Variants in BTG4 observed in about 807,000 individuals in gnomAD.
BTG4 encodes BTG anti-proliferation factor 4, also known as protein BTG4.
A neutral mutation model predicts 19.3 loss-of-function variants in BTG4; 10 were observed. The ratio of observed to expected loss-of-function variants is 0.52; its 90% confidence interval spans 0.32 to 0.88. The LOEUF is 0.88. Ranked by LOEUF, BTG4 falls within the 40% of genes least tolerant of loss-of-function variation. BTG4 has a pLI of 0.04. For missense variants in BTG4, 238 were observed against 281.9 expected, an observed-to-expected ratio of 0.84 and a Z score of 1.11; for synonymous variants, 91 against 95.7, an observed-to-expected ratio of 0.95 and a Z score of 0.29.
At chr11:111,435,909 G>A in the BTG4 span, among the ~76,000 whole-genome samples, 3 of 152,250 alleles carry the variant, frequency 2.0e-5, 1 homozygote, top group South Asian at 6.2e-4. Flanking sequence ...CCCACAAGCT[G>A]CACGATTTCC....
chr11:111,487,294 A>G (rs939664363), intron 5 of BTG4, among the ~76,000 whole-genome samples: 1 of 152,218 alleles, frequency 6.6e-6, no homozygotes, highest in African/African-American at 2.4e-5. Flanking sequence ...ACGTGAATGT[A>G]TCTTTATAAT....
chr11:111,401,465 G>C, the BTG4 span, among the ~76,000 whole-genome samples: 2 of 149,250 alleles, frequency 1.3e-5, no homozygotes, highest in African/African-American at 2.5e-5. Flanking sequence ...CTGGGAGACA[G>C]AGCGAGACTC....
intron 5 of BTG4, among the ~76,000 whole-genome samples, chr11:111,486,693 C>A (rs1457664915): frequency 1.3e-5 from 2 of 152,106 alleles, no homozygotes; most frequent in African/African-American, 2.4e-5. Flanking sequence ...TCATCATGAT[C>A]ATGATCATGT....
At chr11:111,504,343 T>C (rs1354464981) in intron 1 of BTG4, among the ~76,000 whole-genome samples, 3 of 152,122 alleles carry the variant, frequency 2.0e-5, no homozygotes, top group Admixed American at 2.0e-4. Flanking sequence ...CATTATCTAA[T>C]AAAATTCTAC....
chr11:111,497,988 G>A lies in BTG4; in HGVS notation c.311+10C>T, dbSNP rs747824374. 3 of 1,613,016 alleles carry A rather than the reference G, an allele frequency of 1.9e-6. No homozygotes were observed. Among genetic ancestry groups the A allele is most frequent in the Non-Finnish European group, 2.5e-6 (3 of 1,179,268 alleles). ...GTATCACACAGCACACAAACTATGAGATTACTCACCTACAGCATACTTCAA... is the reference window on the plus strand; with the variant it reads ...GTATCACACAGCACACAAACTATGAAATTACTCACCTACAGCATACTTCAA... On this transcript the variant is annotated intron_variant, in intron 3 of 4. Transcript: ENST00000692032.
the BTG4 span, chr11:111,454,278 TTGACACAGAGG>T: frequency 2.2e-6 from 1 of 456,384 alleles, no homozygotes; most frequent in Non-Finnish European, 4.4e-6. Flanking sequence ...CTGGAGTGGT[TTGACACAGAGG>T]CCTTCTTTGG....
the BTG4 span, among the ~76,000 whole-genome samples, chr11:111,443,156 C>T: frequency 7.9e-5 from 12 of 152,170 alleles, no homozygotes; most frequent in Non-Finnish European, 8.8e-5. Flanking sequence ...CCAGTCCAAG[C>T]GTTAGAAAAA....
At chr11:111,510,672 T>C (rs1866831291) in intron 1 of BTG4, among the ~76,000 whole-genome samples, 1 of 152,010 alleles carries the variant, frequency 6.6e-6, no homozygotes, top group Admixed American at 6.6e-5. Context: ...GCCACACATA[T>C]TTTTTGTCGT....
Position 111,481,130 on chromosome 11 carries a change from A to T in BTG4, c.663-13449T>A, listed in dbSNP as rs140123760. On this transcript the variant is annotated intron_variant, in intron 5 of 5. Coordinates refer to the BTG4 transcript ENST00000356018. ...GGGATACCACTGCAGACCTGCAGAC[A>T]CCAAAAGGATAATAAGGAAACACTA... 2.9e-3 allele frequency among the ~76,000 whole-genome samples: 446 copies of T among 152,078 alleles called. 3 individuals are homozygous for T. Among genetic ancestry groups the T allele is most frequent in the South Asian group, 9.5e-3 (46 of 4,830 alleles).
Position 111,495,141 on chromosome 11 carries a change from G to A in BTG4, c.684C>T (p.His228=), listed in dbSNP as rs1424150213. The A allele has an allele frequency of 6.5e-7, 1 of 1,544,536 alleles. No homozygotes were observed. The highest frequency in any genetic ancestry group is 8.7e-7 in the Non-Finnish European group (1 of 1,147,356). ...RLDRYHWVNT[H]R ...CACGTGCCCAGTCGCTGCGTCATCGGTGTGTGTTGACCCAGTGGTACCTGT... is the reference window on the plus strand; with the variant it reads ...CACGTGCCCAGTCGCTGCGTCATCGATGTGTGTTGACCCAGTGGTACCTGT... Residue 228 remains histidine (H), a synonymous_variant, in exon 5 of 5, where the codon CAC becomes CAT. Coordinates refer to ENST00000692032, the MANE Select transcript of BTG4 (RefSeq NM_001367975.1).
chr11:111,467,500 T>C (rs1384775887), downstream of BTG4: 1 of 533,660 alleles, frequency 1.9e-6, no homozygotes, highest in Non-Finnish European at 3.3e-6. Flanking sequence ...GTAGCTGAGA[T>C]GCATGAGAAT....
chr11:111,476,278 A>T (rs916130466), intron 5 of BTG4, among the ~76,000 whole-genome samples: 1 of 152,134 alleles, frequency 6.6e-6, no homozygotes, highest in African/African-American at 2.4e-5. Flanking sequence ...AAGATGACTA[A>T]TTTATGAATT....
chr11:111,398,793 T>G, the BTG4 span, among the ~76,000 whole-genome samples: 22 of 152,138 alleles, frequency 1.4e-4, no homozygotes, highest in African/African-American at 2.7e-4. Flanking sequence ...TTTTGTTTTT[T>G]TTTTTAACAT....
intron 5 of BTG4, among the ~76,000 whole-genome samples, chr11:111,489,408 A>G (rs1865276370): frequency 6.6e-6 from 1 of 152,204 alleles, no homozygotes; most frequent in Non-Finnish European, 1.5e-5. Flanking sequence ...GAACTACCAT[A>G]TGATCCAGCA....
In BTG4 at chr11:111,468,691, TG is replaced by T. The variant is rs776639805; in HGVS notation, c.663-1011del. Among the ~76,000 whole-genome samples the T allele has an allele frequency of 1.1e-3, 162 of 152,172 alleles. 3 individuals are homozygous for T. The highest frequency in any genetic ancestry group is 3.2e-4 in the Non-Finnish European group (22 of 68,022). ...TGAAAACTTGATTACAATAAAGGCA[TG>T]GAAGATGAAGAAAGCCTTGAGAGCC... On this transcript the variant is annotated intron_variant, in intron 5 of 5. Coordinates refer to the BTG4 transcript ENST00000356018.
the BTG4 span, chr11:111,456,636 C>A: frequency 2.3e-6 from 1 of 432,386 alleles, no homozygotes; most frequent in Non-Finnish European, 4.8e-6. The surrounding 1 kb of genome is among the most constrained non-coding windows in gnomAD (Gnocchi z 4.2). Flanking sequence ...TACCCCCTGG[C>A]TACTTCATCC....
chr11:111,394,075 T>C, the BTG4 span, among the ~76,000 whole-genome samples: 1 of 152,228 alleles, frequency 6.6e-6, no homozygotes, highest in Non-Finnish European at 1.5e-5. Context: ...AGGCACATCA[T>C]GAAGCCTCAC....
the BTG4 span, chr11:111,457,821 G>GC: frequency 6.7e-6 from 1 of 150,338 alleles, no homozygotes; most frequent in Non-Finnish European, 1.5e-5. Context: ...CTCCCACCTT[G>GC]CCCCCTTGGT....
chr11:111,468,818 G>C (rs553087829), intron 5 of BTG4, among the ~76,000 whole-genome samples: 1 of 152,278 alleles, frequency 6.6e-6, no homozygotes, highest in Admixed American at 6.5e-5. Context: ...ACAGATCCAG[G>C]AATTTGGGGA....
Sources: gnomAD v4.1 joint callset for allele counts (sites outside exome capture counted in the v4.1 genomes callset) on GRCh38, gnomAD v4.1.1 for gene constraint, Gnocchi (gnomAD v3.1) non-coding constraint, MANE v1.5 for transcripts, NCBI Gene and HGNC (gene_info 2026-07-23, HGNC 2026-07-21) for gene names.